Variants in EVC2 observed in about 807,000 individuals in gnomAD.
The protein encoded by EVC2 is EvC ciliary complex subunit 2.
Under a neutral mutation model 149.3 loss-of-function variants are expected in EVC2, and 148 were observed. That is an observed-to-expected ratio of 0.99 (90% CI 0.87 to 1.14). The LOEUF (loss-of-function observed/expected upper bound fraction) is 1.14, where lower values mean the gene tolerates loss of function less well. Among genes scored for constraint, EVC2 ranks in the 50% most tolerant of loss-of-function variants. EVC2 has a pLI of 0.00. For synonymous variants in EVC2, 776 were observed against 649.9 expected, an observed-to-expected ratio of 1.19 and a Z score of -2.95; for missense variants, 1,854 against 1,627.3, an observed-to-expected ratio of 1.14 and a Z score of -2.40.
chr4:5,627,761 C>A (rs1370349200), intron 12 of EVC2, among the ~76,000 whole-genome samples: 1 of 152,200 alleles, frequency 6.6e-6, no homozygotes, highest in Non-Finnish European at 1.5e-5. Flanking sequence ...CTCAGAAAAA[C>A]CATTTGGAAT....
chr4:5,531,825 T>C, the EVC2 span, among the ~76,000 whole-genome samples: 3 of 152,036 alleles, frequency 2.0e-5, no homozygotes, highest in Admixed American at 6.5e-5. Context: ...GCACAATAAA[T>C]ATAATGGTTT....
At chr4:5,540,778 C>T (rs1260890170), downstream of EVC2, among the ~76,000 whole-genome samples, 1 of 152,128 alleles carries the variant, frequency 6.6e-6, no homozygotes, top group African/African-American at 2.4e-5. Context: ...TCAAAGCACA[C>T]CAAAGTGTAT....
chr4:5,592,303 C>T lies in EVC2; in HGVS notation c.2830-7453G>A, dbSNP rs550376931. The stretch of plus-strand genomic sequence containing the variant: ...GAGAAGGGGGCTGAGCTGAACCTGT[C>T]CCATTCCTTCTTTAATCACAAATGC... On this transcript the variant is annotated intron_variant, in intron 16 of 21. Transcript: ENST00000344408. 5.9e-5 allele frequency among the ~76,000 whole-genome samples: 9 copies of T among 152,322 alleles called. No individual in the cohort carries two copies. The East Asian group carries it at 1.7e-3, about 29-fold the overall frequency.
chr4:5,702,454 G>A lies in EVC2; in HGVS notation c.229-4807C>T, dbSNP rs143127839. Among the ~76,000 whole-genome samples, 712 of 152,298 alleles carry A rather than the reference G, an allele frequency of 4.7e-3. 3 individuals carry two copies. The highest frequency in any genetic ancestry group is 7.7e-3 in the Non-Finnish European group (524 of 68,030). ...CTAGAAGGCCCTCAATAGACATTGC[G>A]AAAGAATGGCCCAGAGGCCTGGTCT... On this transcript the variant is annotated intron_variant, in intron 1 of 21. Transcript: ENST00000344408.
chr4:5,593,103 G>T (rs1022821719), intron 16 of EVC2, among the ~76,000 whole-genome samples: 7 of 152,108 alleles, frequency 4.6e-5, no homozygotes, highest in African/African-American at 1.7e-4. Flanking sequence ...TGCCATGATT[G>T]TAAGTTTCTT....
chr4:5,544,959 C>A (rs912649963), intron 21 of EVC2, among the ~76,000 whole-genome samples: 7 of 152,240 alleles, frequency 4.6e-5, no homozygotes, highest in Admixed American at 1.3e-4. Flanking sequence ...ACTGGCACTG[C>A]ACCTCAAGCC....
At chr4:5,588,462 T>C (rs1712494187) in intron 16 of EVC2, among the ~76,000 whole-genome samples, 1 of 152,190 alleles carries the variant, frequency 6.6e-6, no homozygotes, top group Admixed American at 6.5e-5. Flanking sequence ...ATTTTAGCCG[T>C]TAATTCTTCC....
intron 4 of EVC2, 115 bp from the exon 5 acceptor site, chr4:5,689,458 G>T: frequency 9.6e-7 from 1 of 1,043,718 alleles, no homozygotes. Flanking sequence ...AGGGTAGCAC[G>T]GTCTCGCAGA....
chr4:5,689,664 C>G (rs1193310407), intron 4 of EVC2, among the ~76,000 whole-genome samples: 1 of 152,186 alleles, frequency 6.6e-6, no homozygotes, highest in Non-Finnish European at 1.5e-5. Flanking sequence ...ATTGTGATAA[C>G]CAGTGTTACC....
chr4:5,674,212 T>C (rs1217068952), intron 7 of EVC2, among the ~76,000 whole-genome samples: 3 of 151,924 alleles, frequency 2.0e-5, no homozygotes, highest in Non-Finnish European at 4.4e-5. Flanking sequence ...GGGGCAAGAG[T>C]GAGATCTCGA....
chr4:5,691,613 G>A (rs1227556297), intron 3 of EVC2, among the ~76,000 whole-genome samples: 2 of 152,174 alleles, frequency 1.3e-5, no homozygotes, highest in Admixed American at 6.5e-5. Context: ...AACCAAGACT[G>A]ACATACCAGC....
chr4:5,580,183 G>T (rs756096939), intron 17 of EVC2, among the ~76,000 whole-genome samples: 4 of 152,204 alleles, frequency 2.6e-5, no homozygotes, highest in Non-Finnish European at 5.9e-5. Flanking sequence ...ATTCCCAATA[G>T]GAAAGTGGTT....
chr4:5,587,687 C>G (rs558331619), intron 16 of EVC2, among the ~76,000 whole-genome samples: 1 of 152,128 alleles, frequency 6.6e-6, no homozygotes, highest in African/African-American at 2.4e-5. Flanking sequence ...CTGAGCTCCC[C>G]GAGTGAGCAA....
chr4:5,618,437 G>GGC lies in EVC2; in HGVS notation c.2706+39_2706+40dup, dbSNP rs1715430706. On this transcript the variant is annotated intron_variant, in intron 15 of 21. Transcript: ENST00000344408. The surrounding 1 kb of genome is among the most constrained non-coding windows in gnomAD (Gnocchi z 4.4). Reference sequence around the variant, plus strand: ...CCTGTAGGGCCAGCAGCTGGGAGACGGCCCTGCTTCTGTAATCGGCCACTG... The same window carrying GGC: ...CCTGTAGGGCCAGCAGCTGGGAGACGGCGCCCTGCTTCTGTAATCGGCCACTG... 5.0e-6 allele frequency: 8 copies of GGC among 1,609,478 alleles called. No homozygotes were observed. The Admixed American group carries it at 1.0e-4, about 20-fold the overall frequency.
chr4:5,591,299 C>T (rs149530908), intron 16 of EVC2, among the ~76,000 whole-genome samples: 242 of 152,338 alleles, frequency 1.6e-3, no homozygotes, highest in Non-Finnish European at 2.7e-3. Flanking sequence ...CCTAGCCCGT[C>T]AGAAGGGCCA....
chr4:5,613,556 G>A lies in EVC2; in HGVS notation c.2829+1866C>T, dbSNP rs1456824334. ...TTGCTGTAAACTGGGAATAAACTGG[G>A]ACAGCTTGGCTTACCTCTCTCGCTT... On this transcript the variant is annotated intron_variant, in intron 16 of 21. Coordinates refer to ENST00000344408, the MANE Select transcript of EVC2 (RefSeq NM_147127.5). The surrounding 1 kb of genome is among the most constrained non-coding windows in gnomAD (Gnocchi z 4.6). Among the ~76,000 whole-genome samples the A allele has an allele frequency of 6.6e-6, 1 of 152,056 alleles. No homozygotes were observed. Among genetic ancestry groups the A allele is most frequent in the African/African-American group, 2.4e-5 (1 of 41,400 alleles).
At chr4:5,699,907 A>G (rs1400349229) in intron 1 of EVC2, among the ~76,000 whole-genome samples, 2 of 152,106 alleles carry the variant, frequency 1.3e-5, no homozygotes, top group Non-Finnish European at 2.9e-5. Flanking sequence ...TTGGGAGGCC[A>G]AGGTAGGCTG....
intron 16 of EVC2, among the ~76,000 whole-genome samples, chr4:5,586,191 T>C (rs74412041): frequency 0.014 from 2,094 of 152,268 alleles, 38 homozygotes; most frequent in African/African-American, 0.047. Context: ...AAAATACTTA[T>C]TTTGAGATTT....
At chr4:5,580,326 G>C (rs1002096787) in intron 17 of EVC2, among the ~76,000 whole-genome samples, 1 of 152,132 alleles carries the variant, frequency 6.6e-6, no homozygotes, top group Non-Finnish European at 1.5e-5. Context: ...TAAGAATACG[G>C]CATCATCTGA....
Sources: gnomAD v4.1 joint callset for allele counts (sites outside exome capture counted in the v4.1 genomes callset) on GRCh38, gnomAD v4.1.1 for gene constraint, Gnocchi (gnomAD v3.1) non-coding constraint, MANE v1.5 for transcripts, NCBI Gene and HGNC (gene_info 2026-07-23, HGNC 2026-07-21) for gene names.